The following CSMD1 variants were observed in gnomAD, a reference collection of about 807,000 sequenced individuals.
CSMD1 encodes CUB and sushi domain-containing protein 1.
Under a neutral mutation model 417.5 loss-of-function variants are expected in CSMD1, and 213 were observed. The observed-to-expected ratio is 0.51, with a 90% CI of 0.46 to 0.57. The LOEUF (loss-of-function observed/expected upper bound fraction) is 0.57. Ranked by LOEUF, CSMD1 falls within the 20% of genes least tolerant of loss-of-function variation. The pLI is 0.00. For missense variants in CSMD1, 6,923 were observed against 4,529.7 expected, an observed-to-expected ratio of 1.53 and a Z score of -15.17; for synonymous variants, 2,862 against 1,736.8, an observed-to-expected ratio of 1.65 and a Z score of -16.11.
chr8:3,773,708 C>A (rs967008450), intron 5 of CSMD1, among the ~76,000 whole-genome samples: 1 of 152,150 alleles, frequency 6.6e-6, no homozygotes, highest in African/African-American at 2.4e-5. Context: ...TGAGTTCCCA[C>A]CTTCAAATTG....
At chr8:4,854,176 A>T (rs915094678) in intron 1 of CSMD1, among the ~76,000 whole-genome samples, 5 of 152,136 alleles carry the variant, frequency 3.3e-5, no homozygotes, top group Non-Finnish European at 7.3e-5. Flanking sequence ...CTATTTTGCA[A>T]TGTGAGAAGG....
chr8:3,695,701 G>C (rs1417990030), intron 7 of CSMD1, among the ~76,000 whole-genome samples: 3 of 152,096 alleles, frequency 2.0e-5, no homozygotes, highest in Non-Finnish European at 2.9e-5. Flanking sequence ...GTATTTAAAA[G>C]TTACTAAAAC....
At chr8:3,581,067 A>G (rs1283065956) in intron 9 of CSMD1, among the ~76,000 whole-genome samples, 12 of 152,208 alleles carry the variant, frequency 7.9e-5, no homozygotes, top group Non-Finnish European at 1.5e-5. Flanking sequence ...TTTTCATCTC[A>G]GGGAGCAACT....
At chr8:4,720,068 T>C (rs959314756) in intron 1 of CSMD1, among the ~76,000 whole-genome samples, 58 of 152,122 alleles carry the variant, frequency 3.8e-4, no homozygotes, top group African/African-American at 1.4e-3. Flanking sequence ...GTGAGGCTTT[T>C]TCTAAATGAA....
At chr8:2,997,929 T>A in intron 54 of CSMD1, 82 bp downstream of exon 54, 1 of 1,355,676 alleles carries the variant, frequency 7.4e-7, no homozygotes. Context: ...CCTTGATTCA[T>A]GGAGACAGGC....
chr8:4,824,381 T>C (rs1297606825), intron 1 of CSMD1, among the ~76,000 whole-genome samples: 3 of 152,094 alleles, frequency 2.0e-5, no homozygotes, highest in African/African-American at 4.8e-5. Flanking sequence ...TTTAATTTAA[T>C]GTGAAAAGTG....
At chr8:3,338,541 T>C (rs1807424208) in intron 23 of CSMD1, among the ~76,000 whole-genome samples, 1 of 152,100 alleles carries the variant, frequency 6.6e-6, no homozygotes, top group Non-Finnish European at 1.5e-5. Flanking sequence ...AGAGAAAGAA[T>C]TGTGAATGTC....
intron 1 of CSMD1, among the ~76,000 whole-genome samples, chr8:4,716,463 GTTA>G (rs1808666358): frequency 6.6e-6 from 1 of 152,154 alleles, no homozygotes; most frequent in Non-Finnish European, 1.5e-5. Context: ...GAATTTTTCA[GTTA>G]TTAATAGAAG....
intron 2 of CSMD1, among the ~76,000 whole-genome samples, chr8:4,590,396 G>C (rs1799925901): frequency 6.6e-6 from 1 of 152,032 alleles, no homozygotes. Flanking sequence ...GATACTGAAA[G>C]GACTTTGGGC....
At chr8:4,659,626 G>C (rs888089281) in intron 1 of CSMD1, among the ~76,000 whole-genome samples, 2 of 152,088 alleles carry the variant, frequency 1.3e-5, no homozygotes, top group Admixed American at 6.5e-5. Context: ...GATTGCCAGA[G>C]TCTAGGCCAT....
At chr8:3,509,992 G>C (rs545052992) in intron 10 of CSMD1, among the ~76,000 whole-genome samples, 1 of 152,154 alleles carries the variant, frequency 6.6e-6, no homozygotes, top group Non-Finnish European at 1.5e-5. Flanking sequence ...AATTGCAAAT[G>C]CATCTCTCCA....
At chr8:4,212,833 G>A (rs535113983) in intron 3 of CSMD1, among the ~76,000 whole-genome samples, 3 of 143,126 alleles carry the variant, frequency 2.1e-5, no homozygotes, top group African/African-American at 8.0e-5. Flanking sequence ...CTGGCATTTG[G>A]GAAACACCCT....
intron 3 of CSMD1, among the ~76,000 whole-genome samples, chr8:4,129,088 A>AC (rs1333136807): frequency 2.7e-5 from 4 of 150,934 alleles, no homozygotes; most frequent in South Asian, 4.2e-4. Flanking sequence ...AAAAAAAAAA[A>AC]AAAACAAAAC....
chr8:4,224,430 T>A (rs150410385), intron 3 of CSMD1, among the ~76,000 whole-genome samples: 1 of 152,320 alleles, frequency 6.6e-6, no homozygotes, highest in Non-Finnish European at 1.5e-5. Context: ...CTAGGAAATC[T>A]TTTAAAGCTT....
At chr8:4,532,634 G>C (rs181537107) in intron 2 of CSMD1, among the ~76,000 whole-genome samples, 1 of 138,024 alleles carries the variant, frequency 7.2e-6, no homozygotes, top group African/African-American at 2.9e-5. Context: ...CACTCTGGAA[G>C]AGAAATCCTG....
chr8:3,614,737 A>G (rs998788908), intron 8 of CSMD1, among the ~76,000 whole-genome samples: 2 of 152,244 alleles, frequency 1.3e-5, no homozygotes, highest in East Asian at 1.9e-4. Context: ...CACAAAGTAT[A>G]TATCACACAT....
intron 38 of CSMD1, among the ~76,000 whole-genome samples, chr8:3,161,484 G>T (rs1490585040): frequency 1.3e-5 from 2 of 151,978 alleles, no homozygotes; most frequent in African/African-American, 4.8e-5. Context: ...GGGTGTGGTG[G>T]CAGGTGCCTG....
At chr8:3,823,185 G>C (rs1245808413) in intron 5 of CSMD1, among the ~76,000 whole-genome samples, 1 of 152,064 alleles carries the variant, frequency 6.6e-6, no homozygotes, top group East Asian at 1.9e-4. Context: ...CCACATCAGA[G>C]AACTCACAGT....
rs569003849 is a variant in CSMD1 at position 4,207,149 on chromosome 8, T to A, written c.416-175050A>T. ...AATAGGACAGTTGGTAAAAATAGGA[T>A]AATTTATAGGTATAGTAATAAGTAT... On this transcript the variant is annotated intron_variant, in intron 3 of 69. Transcript: ENST00000635120. Among the ~76,000 whole-genome samples, 9 of 152,304 alleles carry A rather than the reference T, an allele frequency of 5.9e-5. No homozygotes were observed. In the East Asian group the frequency reaches 1.7e-3, roughly 29 times the overall value.
Sources: gnomAD v4.1 joint callset for allele counts (sites outside exome capture counted in the v4.1 genomes callset) on GRCh38, gnomAD v4.1.1 for gene constraint, MANE v1.5 for transcripts, NCBI Gene and HGNC (gene_info 2026-07-23, HGNC 2026-07-21) for gene names.